The following KDM5A variants were observed in gnomAD, a reference collection of about 807,000 sequenced individuals.
KDM5A encodes the protein lysine demethylase 5A, also known as lysine-specific demethylase 5A.
In KDM5A, 42 loss-of-function variants were observed where a neutral mutation model predicts 193.5. That is an observed-to-expected ratio of 0.22 (90% confidence interval 0.17 to 0.28). The LOEUF (loss-of-function observed/expected upper bound fraction) is 0.28. Ranked by LOEUF, KDM5A falls within the 10% of genes least tolerant of loss-of-function variation. The probability of loss-of-function intolerance (pLI) is 1.00; values close to 1 mark genes in which losing one functional copy is unlikely to be tolerated. For missense variants in KDM5A, 1,692 were observed against 2,055.1 expected (o/e 0.82, Z 3.42); for synonymous variants, 796 against 718.1 (o/e 1.11, Z -1.73).
chr12:389,114 G>A lies in KDM5A; in HGVS notation c.-23C>T. On this transcript the variant is annotated 5_prime_UTR_variant, in exon 1 of 28. Transcript: ENST00000399788. Reference sequence around the variant, plus strand: ...CATTGCAACGGCCGGGGGGGGGGGGGGGTCCCCGTGGGGAACCGGTGGAGA... The same window carrying A: ...CATTGCAACGGCCGGGGGGGGGGGGAGGTCCCCGTGGGGAACCGGTGGAGA... 3.3e-6 allele frequency: 5 copies of A among 1,514,322 alleles called. No homozygotes were observed. The highest frequency in any genetic ancestry group is 1.2e-5 in the South Asian group (1 of 85,392). The allele number at this position is 1,514,322 out of a possible 1,614,324, so 93.8% of individuals were successfully genotyped here.
Position 280,641 on chromosome 12 carries a change from A to C in KDM5A, c.*4815T>G, listed in dbSNP as rs1001873398. 1 of 233,020 alleles carries C rather than the reference A, an allele frequency of 4.3e-6. No individual in the cohort carries two copies. The highest frequency in any genetic ancestry group is 2.2e-5 in the African/African-American group (1 of 45,344). The allele number at this position is 233,020 out of a possible 1,614,324, so 14.4% of individuals were successfully genotyped here. On this transcript the variant is annotated 3_prime_UTR_variant, in exon 28 of 28. Transcript: ENST00000399788. ...AGGTGCCATTTGCTTCTCTGAAGTA[A>C]CTTGGGGTCTGAATTGGTTGTGAGC...
At chr12:379,319 A>T (rs577263715) in intron 3 of KDM5A, among the ~76,000 whole-genome samples, 23 of 152,338 alleles carry the variant, frequency 1.5e-4, no homozygotes, top group South Asian at 1.2e-3. Flanking sequence ...ATAAAATGTC[A>T]TGTTAATGAA....
chr12:341,390 T>C (rs909924098), intron 10 of KDM5A, among the ~76,000 whole-genome samples: 6 of 152,198 alleles, frequency 3.9e-5, no homozygotes, highest in Non-Finnish European at 7.3e-5. Context: ...AATCATTCTC[T>C]TTCTCCCTTG....
At chr12:304,963 G>A (rs528064755) in intron 24 of KDM5A, among the ~76,000 whole-genome samples, 14 of 152,164 alleles carry the variant, frequency 9.2e-5, no homozygotes, top group Non-Finnish European at 1.9e-4. Flanking sequence ...TTTCTTTTCA[G>A]CTGCTCTTAG....
intron 19 of KDM5A, among the ~76,000 whole-genome samples, chr12:315,794 AAGG>A (rs896881691): frequency 6.6e-6 from 1 of 152,152 alleles, no homozygotes; most frequent in African/African-American, 2.4e-5. Flanking sequence ...TAAAGAAACA[AAGG>A]AGGAGGCTAT....
At chr12:351,357 G>A (rs1044817894) in intron 9 of KDM5A, among the ~76,000 whole-genome samples, 6 of 152,018 alleles carry the variant, frequency 3.9e-5, no homozygotes, top group Non-Finnish European at 8.8e-5. Flanking sequence ...ATGGTTTCCA[G>A]CTTCATCCAT....
rs1943159493 is a variant in KDM5A at position 282,012 on chromosome 12, G to A, written c.*3444C>T. 3.4e-6 allele frequency: 1 copy of A among 294,514 alleles called. No homozygotes were observed. The highest frequency in any genetic ancestry group is 5.4e-5 in the Admixed American group (1 of 18,528). 18.2% of individuals were successfully genotyped at this position (294,514 alleles called of 1,614,324 possible). A position where few individuals can be genotyped will look rare whatever the true frequency, so the allele number is the denominator to read the frequency against. Reference sequence around the variant, plus strand: ...ACAGAAGCGCAGAAGCAAAGCCCAGGCAGAACCATGCTAACCTTACAGCTC... The same window carrying A: ...ACAGAAGCGCAGAAGCAAAGCCCAGACAGAACCATGCTAACCTTACAGCTC... On this transcript the variant is annotated 3_prime_UTR_variant, in exon 28 of 28. Coordinates refer to ENST00000399788, the MANE Select transcript of KDM5A (RefSeq NM_001042603.3).
intron 18 of KDM5A, 43 bp downstream of exon 18, chr12:320,952 T>C (rs1467675280): frequency 7.6e-7 from 1 of 1,309,592 alleles, no homozygotes; most frequent in Non-Finnish European, 1.1e-6. Context: ...CAGTGGACCA[T>C]GTCACAAAGG....
In KDM5A at chr12:313,127, G is replaced by C. The variant is rs1943610098; in HGVS notation, c.2965C>G (p.Pro989Ala). ...NEAKNIPAFL[P>A]NVLSLKEALQ... ...GCTTCTTTCAAGGACAACACATTGG[G>C]TAGAAAGGCTGGAATGTTCTTGGCT... The change falls in exon 20 of 28, where the codon CCC (proline) becomes GCC (alanine). Residue 989 changes from proline to alanine, a missense_variant. This residue lies in a region of KDM5A where 965 missense variants were observed against 1,061.0 expected (regional missense o/e 0.91). Coordinates refer to ENST00000399788, the MANE Select transcript of KDM5A (RefSeq NM_001042603.3). The C allele has an allele frequency of 6.2e-7, 1 of 1,613,952 alleles. No homozygotes were observed. Among genetic ancestry groups the C allele is most frequent in the Non-Finnish European group, 8.5e-7 (1 of 1,179,948 alleles).
intron 1 of KDM5A, among the ~76,000 whole-genome samples, chr12:387,459 A>G (rs931426655): frequency 1.3e-5 from 2 of 152,240 alleles, no homozygotes; most frequent in Non-Finnish European, 2.9e-5. Flanking sequence ...TCAATGCTTA[A>G]GATTTGTTAA....
chr12:330,502 T>C (rs1414147037), intron 13 of KDM5A, among the ~76,000 whole-genome samples: 2 of 152,140 alleles, frequency 1.3e-5, no homozygotes, highest in Admixed American at 1.3e-4. Flanking sequence ...CAAGGTCAAA[T>C]ACCAATAACA....
In KDM5A at chr12:313,165, C is replaced by G; in HGVS notation, c.2927G>C (p.Ser976Thr). Residue 976 changes from serine to threonine, a missense_variant, in exon 20 of 28, where the codon AGC (serine) becomes ACC (threonine). Physicochemically the swap from Ser to Thr is moderately conservative, Grantham distance 58. Transcript: ENST00000399788. ...AATGTTCTTGGCTTCATTCACAATGCTTTCTAAACTTGCCACACTGTGCCT... is the reference window on the plus strand; with the variant it reads ...AATGTTCTTGGCTTCATTCACAATGGTTTCTAAACTTGCCACACTGTGCCT... The part of the protein sequence containing the change: ...RPRHSVASLE[S>T]IVNEAKNIPA... 3.1e-6 allele frequency: 5 copies of G among 1,614,064 alleles called. No individual in the cohort carries two copies. The highest frequency in any genetic ancestry group is 4.2e-6 in the Non-Finnish European group (5 of 1,179,982).
chr12:358,498 A>G (rs986565698), intron 5 of KDM5A, among the ~76,000 whole-genome samples: 3 of 152,248 alleles, frequency 2.0e-5, no homozygotes, highest in Non-Finnish European at 2.9e-5. Flanking sequence ...TAAAGCTGAT[A>G]TATGTTGAGT....
chr12:310,002 G>C, intron 21 of KDM5A, 38 bp from the exon 22 acceptor site: 2 of 1,595,882 alleles, frequency 1.3e-6, no homozygotes, highest in Non-Finnish European at 1.7e-6. Context: ...CTCTGGTTTT[G>C]AAAATAATCT....
chr12:364,445 C>A (rs961362213), intron 4 of KDM5A, among the ~76,000 whole-genome samples: 7 of 150,920 alleles, frequency 4.6e-5, no homozygotes, highest in Non-Finnish European at 1.0e-4. Context: ...CCACTGCACT[C>A]CAGCCTGGGC....
At chr12:333,769 C>T in intron 11 of KDM5A, 120 bp from the exon 12 acceptor site, 1 of 963,956 alleles carries the variant, frequency 1.0e-6, no homozygotes, top group Non-Finnish European at 1.6e-6. Context: ...ATTATATGCC[C>T]TGAATTCTGG....
In KDM5A at chr12:280,185, T is replaced by G; in HGVS notation, c.*5271A>C. ...TTTATTCACATAATATAGTATTTGA[T>G]TCCATTCTTTTGTACTGTTCCCTAC... On this transcript the variant is annotated 3_prime_UTR_variant, in exon 28 of 28. Coordinates refer to ENST00000399788, the MANE Select transcript of KDM5A (RefSeq NM_001042603.3). 4.3e-6 allele frequency: 1 copy of G among 232,582 alleles called. No homozygotes were observed. Among genetic ancestry groups the G allele is most frequent in the Non-Finnish European group, 8.5e-6 (1 of 117,590 alleles). The allele number at this position is 232,582 out of a possible 1,614,324, so 14.4% of individuals were successfully genotyped here.
At chr12:326,718 G>A (rs540074638) in intron 14 of KDM5A, among the ~76,000 whole-genome samples, 2 of 151,934 alleles carry the variant, frequency 1.3e-5, no homozygotes, top group Non-Finnish European at 2.9e-5. Context: ...AAAATTAGCC[G>A]GGCGTGGTGG....
At chr12:318,015 C>T in intron 19 of KDM5A, 91 bp downstream of exon 19, 5 of 964,802 alleles carry the variant, frequency 5.2e-6, no homozygotes, top group Middle Eastern at 2.3e-4. Flanking sequence ...AAAAAAAAGT[C>T]ATTTAATGAA....
Sources: gnomAD v4.1 joint callset for allele counts (sites outside exome capture counted in the v4.1 genomes callset) on GRCh38, gnomAD v4.1.1 for gene constraint, gnomAD v4.1.1 regional missense constraint, MANE v1.5 for transcripts, NCBI Gene and HGNC (gene_info 2026-07-23, HGNC 2026-07-21) for gene names.